The following GARNL3 variants were observed in gnomAD, a reference collection of about 807,000 sequenced individuals.
GARNL3 encodes the protein GTPase activating Rap/RanGAP domain like 3.
In GARNL3, 63 loss-of-function variants were observed where a neutral mutation model predicts 125.0. The ratio of observed to expected loss-of-function variants is 0.50; its 90% confidence interval spans 0.41 to 0.62. The LOEUF is 0.62. Ranked by LOEUF, GARNL3 falls within the 20% of genes least tolerant of loss-of-function variation. The pLI is 0.00. For synonymous variants in GARNL3, 439 were observed against 457.5 expected, an observed-to-expected ratio of 0.96 and a Z score of 0.52; for missense variants, 994 against 1,244.0, an observed-to-expected ratio of 0.80 and a Z score of 3.02.
At chr9:127,376,500 G>A (rs924730683) in intron 22 of GARNL3, among the ~76,000 whole-genome samples, 2 of 152,194 alleles carry the variant, frequency 1.3e-5, no homozygotes, top group Admixed American at 6.5e-5. Context: ...TTACAGGCAT[G>A]AGTCACCGTG....
chr9:127,246,345 T>C (rs2063303654), intron 2 of GARNL3, among the ~76,000 whole-genome samples: 1 of 151,988 alleles, frequency 6.6e-6, no homozygotes, highest in African/African-American at 2.4e-5. Context: ...GGGAAGTATT[T>C]TGAGAAAGAT....
At chr9:127,391,552 A>ATATATATATG (rs1292380673) in intron 27 of GARNL3, among the ~76,000 whole-genome samples, 15 of 129,036 alleles carry the variant, frequency 1.2e-4, no homozygotes, top group African/African-American at 4.0e-4. Flanking sequence ...ATATATATAT[A>ATATATATATG]GGCTGGGTCT....
rs556415778 is a variant in GARNL3, at chr9:127,349,018, G to A, written c.1526G>A (p.Gly509Asp). ...GQALLVSTDAGVLLVDDDLPS... is the reference protein window; with the variant it reads ...GQALLVSTDADVLLVDDDLPS... Reference sequence around the variant, plus strand: ...GCCTTGCTGGTTTCCACTGATGCTGGCGTCTTGCTAGTGGATGGTTAGTGA... The same window carrying A: ...GCCTTGCTGGTTTCCACTGATGCTGACGTCTTGCTAGTGGATGGTTAGTGA... Residue 509 changes from glycine (G) to aspartate (D), a missense_variant, in exon 17 of 28, where the codon GGC (glycine) becomes GAC (aspartate). Transcript: ENST00000373387. 113 of 1,613,066 alleles carry A rather than the reference G, an allele frequency of 7.0e-5. 3 individuals are homozygous for A. The South Asian group carries it at 1.2e-3, about 17-fold the overall frequency.
rs937710089 is a variant in GARNL3, at chr9:127,393,462, T to A, written c.*208T>A. The A allele has an allele frequency of 1.0e-5, 4 of 387,304 alleles. No homozygotes were observed. Among genetic ancestry groups the A allele is most frequent in the African/African-American group, 8.0e-5 (4 of 49,824 alleles). The allele number at this position is 387,304 out of a possible 1,614,324, so 24.0% of individuals were successfully genotyped here. On this transcript the variant is annotated 3_prime_UTR_variant, in exon 28 of 28. Coordinates refer to ENST00000373387, the MANE Select transcript of GARNL3 (RefSeq NM_032293.5). ...TTTCTTTCTGTTCAGGAACCATCAG[T>A]CCCCTTGTAATAAAGGTGGTAGATT...
intron 5 of GARNL3, among the ~76,000 whole-genome samples, chr9:127,319,936 T>G (rs1238853649): frequency 6.6e-6 from 1 of 152,236 alleles, no homozygotes; most frequent in East Asian, 1.9e-4. Context: ...AAACTACACA[T>G]TCTACAGTTG....
intron 1 of GARNL3, among the ~76,000 whole-genome samples, chr9:127,268,737 C>T (rs1274855732): frequency 2.0e-5 from 3 of 152,144 alleles, no homozygotes; most frequent in Non-Finnish European, 2.9e-5. Context: ...TTTGGCAGTT[C>T]CTCAAAAAGC....
chr9:127,271,911 C>T (rs1267742199), intron 1 of GARNL3, among the ~76,000 whole-genome samples: 5 of 150,202 alleles, frequency 3.3e-5, no homozygotes, highest in Non-Finnish European at 7.3e-5. Flanking sequence ...TTTAGATGAG[C>T]CACGTGCATG....
chr9:127,380,288 CTTCT>C (rs947250015), intron 22 of GARNL3, among the ~76,000 whole-genome samples: 1 of 147,500 alleles, frequency 6.8e-6, no homozygotes, highest in African/African-American at 2.5e-5. Context: ...TTAAAATTTT[CTTCT>C]TTATGTTTTT....
At chr9:127,263,837 A>C (rs1241146344), upstream of GARNL3, 2 of 1,313,664 alleles carry the variant, frequency 1.5e-6, no homozygotes, top group Non-Finnish European at 1.9e-6. Context: ...TAGACTCTCT[A>C]ATCTCATTTC....
chr9:127,240,220 G>C (rs1176573182), intron 1 of GARNL3, among the ~76,000 whole-genome samples: 1 of 152,224 alleles, frequency 6.6e-6, no homozygotes, highest in Non-Finnish European at 1.5e-5. Flanking sequence ...GAAGAGGAAA[G>C]GGAGTGGGGT....
intron 2 of GARNL3, among the ~76,000 whole-genome samples, chr9:127,243,884 T>C (rs527470064): frequency 6.6e-6 from 1 of 152,304 alleles, no homozygotes; most frequent in Admixed American, 6.5e-5. Context: ...TGAATAAAGA[T>C]GATACAAGAG....
chr9:127,227,548 C>T (rs1458463777), intron 1 of GARNL3, among the ~76,000 whole-genome samples: 1 of 152,020 alleles, frequency 6.6e-6, no homozygotes, highest in Non-Finnish European at 1.5e-5. Flanking sequence ...TTGCAGTGAG[C>T]TGAGATTGTG....
At position 127,353,856 on chromosome 9, in the gene GARNL3, A is replaced by T; in HGVS notation, c.1554A>T (p.Pro518=). The T allele has an allele frequency of 6.2e-7, 1 of 1,612,078 alleles. No individual in the cohort carries two copies. The highest frequency in any genetic ancestry group is 1.1e-5 in the South Asian group (1 of 91,042). ...GGTTTCCTTTTCCAGATGACCTTCC[A>T]TCAGTGCCCGTGTTTGACAGAACTC... ...AGVLLVDDDL[P]SVPVFDRTLP... The change falls in exon 18 of 28, where the codon CCA becomes CCT. Residue 518 remains proline, a synonymous_variant. Transcript: ENST00000373387.
At chr9:127,225,842 T>TGCGCCCCTC (rs2062902637) in intron 1 of GARNL3, among the ~76,000 whole-genome samples, 2 of 92,290 alleles carry the variant, frequency 2.2e-5, no homozygotes, top group African/African-American at 3.9e-5. Flanking sequence ...TCGCGCCCCT[T>TGCGCCCCTC]GCGCCCCTCT....
At position 127,385,952 on chromosome 9, in the gene GARNL3, GAT is replaced by G. The variant is rs1316913708; in HGVS notation, c.2388+810_2388+811del. Among the ~76,000 whole-genome samples, 50 of 152,212 alleles carry G rather than the reference GAT, an allele frequency of 3.3e-4. No homozygotes were observed. Among genetic ancestry groups the G allele is most frequent in the African/African-American group, 1.2e-3 (49 of 41,442 alleles). On this transcript the variant is annotated intron_variant, in intron 24 of 27. Coordinates refer to ENST00000373387, the MANE Select transcript of GARNL3 (RefSeq NM_032293.5). This position sits in a 1 kb window ranked among gnomAD's most constrained non-coding sequence, Gnocchi z 4.1. ...TGTGCACATATGTGCATATATGTAT[GAT>G]ATGTGTACATATCTGCATGTATGTA...
intron 1 of GARNL3, among the ~76,000 whole-genome samples, chr9:127,226,169 C>A (rs998821598): frequency 7.2e-5 from 11 of 152,226 alleles, no homozygotes; most frequent in African/African-American, 2.7e-4. Flanking sequence ...GCCAACACCC[C>A]TTGAGGAGCT....
upstream of GARNL3, among the ~76,000 whole-genome samples, chr9:127,262,277 T>C (rs896876226): frequency 6.6e-6 from 1 of 152,346 alleles, no homozygotes; most frequent in Non-Finnish European, 1.5e-5. Context: ...TCACATCATA[T>C]TCTAGTACAG....
At chr9:127,355,737 G>A (rs1292668226) in intron 20 of GARNL3, among the ~76,000 whole-genome samples, 2 of 152,230 alleles carry the variant, frequency 1.3e-5, no homozygotes, top group Non-Finnish European at 2.9e-5. Flanking sequence ...TTACTTTCCA[G>A]TTGACAGTTA....
At chr9:127,340,328 T>G (rs1455295098) in intron 13 of GARNL3, among the ~76,000 whole-genome samples, 2 of 152,156 alleles carry the variant, frequency 1.3e-5, no homozygotes, top group African/African-American at 2.4e-5. Flanking sequence ...CCACATCTCT[T>G]AAAGCACAAG....
Sources: gnomAD v4.1 joint callset for allele counts (sites outside exome capture counted in the v4.1 genomes callset) on GRCh38, gnomAD v4.1.1 for gene constraint, Gnocchi (gnomAD v3.1) non-coding constraint, MANE v1.5 for transcripts, NCBI Gene and HGNC (gene_info 2026-07-23, HGNC 2026-07-21) for gene names.